Variants in LSM2 observed in about 807,000 individuals in gnomAD.
LSM2 encodes the protein LSM2 homolog, U6 small nuclear RNA and mRNA degradation associated, also known as U6 snRNA-associated Sm-like protein LSm2.
LSM2 carries 12 observed loss-of-function variants against 17.0 expected under a neutral mutation model. That is an observed-to-expected ratio of 0.70 (90% CI 0.45 to 1.14). The LOEUF (loss-of-function observed/expected upper bound fraction) is 1.14. Ranked by LOEUF, LSM2 falls within the 50% of genes most tolerant of loss-of-function variation. The probability of loss-of-function intolerance (pLI) is 0.00; values close to 1 mark genes in which losing one functional copy is unlikely to be tolerated. For missense variants in LSM2, 62 were observed against 111.8 expected (o/e 0.55, Z 2.01); for synonymous variants, 42 against 44.5 (o/e 0.94, Z 0.22).
chr6:31,798,624 A>C, intron 2 of LSM2, 117 bp from the exon 3 acceptor site: 1 of 1,150,370 alleles, frequency 8.7e-7, no homozygotes, highest in Non-Finnish European at 1.3e-6. Flanking sequence ...TGAGGATGTC[A>C]GAAAAGGTAG....
chr6:31,798,233 C>A (rs1484636186), intron 3 of LSM2, among the ~76,000 whole-genome samples, 184 bp from the exon 4 acceptor site: 5 of 152,100 alleles, frequency 3.3e-5, no homozygotes, highest in Non-Finnish European at 7.3e-5. Context: ...AGGTGCCCAC[C>A]ACCACGCCCA....
At chr6:31,804,444 TG>T (rs1351904154) in intron 2 of LSM2, among the ~76,000 whole-genome samples, 1 of 152,062 alleles carries the variant, frequency 6.6e-6, no homozygotes, top group East Asian at 1.9e-4. Context: ...CTTGAACAAG[TG>T]GTATAGCTGA....
chr6:31,797,617 C>T lies in LSM2; in HGVS notation c.*140G>A, dbSNP rs1814446867. ...TTCCCTATTACTCCTCTCATCCACT[C>T]ATCCCTTAAAAAAAACCCACAAAAC... On this transcript the variant is annotated 3_prime_UTR_variant, in exon 5 of 5. Coordinates refer to ENST00000375661, the MANE Select transcript of LSM2 (RefSeq NM_021177.5). 1.6e-6 allele frequency: 2 copies of T among 1,224,364 alleles called. No individual in the cohort carries two copies. The highest frequency in any genetic ancestry group is 1.4e-5 in the South Asian group (1 of 71,356). The allele number at this position is 1,224,364 out of a possible 1,614,324, so 75.8% of individuals were successfully genotyped here. A position where few individuals can be genotyped will look rare whatever the true frequency, so the allele number is the denominator to read the frequency against.
chr6:31,803,484 C>CA (rs996525243), intron 2 of LSM2, among the ~76,000 whole-genome samples: 27 of 151,388 alleles, frequency 1.8e-4, no homozygotes, highest in South Asian at 1.7e-3. Flanking sequence ...ACCCCCATCT[C>CA]AAAAAAATAA....
chr6:31,802,954 C>T (rs1455496547), intron 2 of LSM2: 1 of 152,092 alleles, frequency 6.6e-6, no homozygotes, highest in Non-Finnish European at 1.5e-5. Flanking sequence ...ACTTTAGGGC[C>T]TAGGGTTATA....
At chr6:31,803,286 T>C (rs149135246) in intron 2 of LSM2, among the ~76,000 whole-genome samples, 8 of 152,302 alleles carry the variant, frequency 5.3e-5, no homozygotes, top group African/African-American at 1.2e-4. Context: ...TCCAGCACTT[T>C]GGGAGGCCAA....
At chr6:31,799,178 T>C (rs1420124948) in intron 2 of LSM2, among the ~76,000 whole-genome samples, 1 of 152,202 alleles carries the variant, frequency 6.6e-6, no homozygotes, top group Non-Finnish European at 1.5e-5. Context: ...TTAAACTTTA[T>C]GAGTTTAGAA....
At chr6:31,806,217 C>T in intron 1 of LSM2, 75 bp from the exon 2 acceptor site, 2 of 1,311,232 alleles carry the variant, frequency 1.5e-6, no homozygotes, top group Non-Finnish European at 2.2e-6. Context: ...ACAGTATTAC[C>T]AAATACTGGT....
intron 1 of LSM2, chr6:31,806,492 G>A (rs1380578663): frequency 1.6e-6 from 1 of 616,324 alleles, no homozygotes; most frequent in African/African-American, 1.9e-5. Context: ...TTGCCTGGCA[G>A]AGAAGTGCTC....
chr6:31,800,756 G>A lies in LSM2; in HGVS notation c.72-2249C>T, dbSNP rs143526845. Among the ~76,000 whole-genome samples the A allele has an allele frequency of 8.1e-3, 1,228 of 152,048 alleles. 34 individuals are homozygous for A. The highest frequency in any genetic ancestry group is 0.048 in the Admixed American group (737 of 15,242). ...CAAAAAATTAGCCGGGCATGGTGGC[G>A]GGCACCTGTAGTCCCAGCTACTTGG... On this transcript the variant is annotated intron_variant, in intron 2 of 4. Coordinates refer to ENST00000375661, the MANE Select transcript of LSM2 (RefSeq NM_021177.5).
Position 31,806,782 on chromosome 6 carries a change from C to CAG in LSM2, c.-26_-25insCT. The CAG allele has an allele frequency of 6.2e-7, 1 of 1,608,026 alleles. No individual in the cohort carries two copies. Among genetic ancestry groups the CAG allele is most frequent in the Non-Finnish European group, 8.5e-7 (1 of 1,178,148 alleles). ...TGGTGCTGGCGCCGCGGGCAGCGGG[C>CAG]CGGACCGGGAAGACAGCAGGGTGCT... On this transcript the variant is annotated 5_prime_UTR_variant, in exon 1 of 5. Transcript: ENST00000375661.
chr6:31,800,253 T>G (rs1017901930), intron 2 of LSM2, among the ~76,000 whole-genome samples: 1 of 151,992 alleles, frequency 6.6e-6, no homozygotes, highest in Non-Finnish European at 1.5e-5. Flanking sequence ...GGAGAATCAC[T>G]TGAACCCGGG....
Position 31,806,788 on chromosome 6 carries a change from CGGGAAGACAGCAG to C in LSM2, c.-44_-32del. ...TGGCGCCGCGGGCAGCGGGCCGGAC[CGGGAAGACAGCAG>C]GGTGCTGCGAGCAGGTCTGGGGAAA... On this transcript the variant is annotated 5_prime_UTR_variant, in exon 1 of 5. Transcript: ENST00000375661. 2 of 1,607,370 alleles carry C rather than the reference CGGGAAGACAGCAG, an allele frequency of 1.2e-6. No homozygotes were observed. The highest frequency in any genetic ancestry group is 1.7e-6 in the Non-Finnish European group (2 of 1,177,912).
chr6:31,806,503 T>C, intron 1 of LSM2: 2 of 628,888 alleles, frequency 3.2e-6, no homozygotes, highest in East Asian at 2.8e-5. Context: ...AGAAGTGCTC[T>C]GAGGTCTAAC....
At chr6:31,802,397 C>T (rs752860435) in intron 2 of LSM2, among the ~76,000 whole-genome samples, 5 of 150,832 alleles carry the variant, frequency 3.3e-5, no homozygotes, top group African/African-American at 1.2e-4. Flanking sequence ...GAGATTGAGA[C>T]CATCCTGGCC....
intron 2 of LSM2, among the ~76,000 whole-genome samples, chr6:31,799,248 T>A (rs938588660): frequency 6.6e-6 from 1 of 152,104 alleles, no homozygotes; most frequent in Non-Finnish European, 1.5e-5. Flanking sequence ...ATTTTTTTTT[T>A]ATTTTTGCGA....
intron 2 of LSM2, among the ~76,000 whole-genome samples, chr6:31,799,635 C>A (rs1286949407): frequency 6.7e-6 from 1 of 150,246 alleles, no homozygotes; most frequent in East Asian, 1.9e-4. Flanking sequence ...GGATTACAGG[C>A]ATGAGCCACC....
intron 2 of LSM2, among the ~76,000 whole-genome samples, chr6:31,802,046 C>A (rs2151447741): frequency 6.6e-6 from 1 of 151,910 alleles, no homozygotes; most frequent in Middle Eastern, 3.4e-3. Flanking sequence ...CTTTGGGAGG[C>A]CGAGGCAGGT....
At chr6:31,804,763 C>CTTT (rs9279424) in intron 2 of LSM2, among the ~76,000 whole-genome samples, 2,834 of 104,822 alleles carry the variant, frequency 0.027, 68 homozygotes, top group Non-Finnish European at 0.045. Context: ...TCTTTTTTTT[C>CTTT]TTTTTTTTTT....
Sources: gnomAD v4.1 joint callset for allele counts (sites outside exome capture counted in the v4.1 genomes callset) on GRCh38, gnomAD v4.1.1 for gene constraint, MANE v1.5 for transcripts, NCBI Gene and HGNC (gene_info 2026-07-23, HGNC 2026-07-21) for gene names.